The following SPRR2F variants were observed in gnomAD, a reference collection of about 807,000 sequenced individuals.
SPRR2F encodes small proline rich protein 2F.
Under a neutral mutation model 0.8 loss-of-function variants are expected in SPRR2F, and 2 were observed. That is an observed-to-expected ratio of 2.52 (90% CI 1.03 to 7.95). The LOEUF (loss-of-function observed/expected upper bound fraction) is 7.95, where lower values mean the gene tolerates loss of function less well. Among genes scored for constraint, SPRR2F ranks in the 30% most tolerant of loss-of-function variants. The pLI is 0.04. For missense variants in SPRR2F, 80 were observed against 85.8 expected, an observed-to-expected ratio of 0.93 and a Z score of 0.27; for synonymous variants, 39 against 33.4, an observed-to-expected ratio of 1.17 and a Z score of -0.58.
the SPRR2F span, among the ~76,000 whole-genome samples, chr1:153,119,305 A>G: frequency 6.6e-6 from 1 of 152,194 alleles, no homozygotes; most frequent in Admixed American, 6.6e-5. Flanking sequence ...GGTGGAATGG[A>G]TAAAAAAGAA....
chr1:153,118,848 A>G, the SPRR2F span, among the ~76,000 whole-genome samples: 4 of 152,182 alleles, frequency 2.6e-5, no homozygotes, highest in Non-Finnish European at 5.9e-5. Flanking sequence ...TTGTAACTCC[A>G]CTTTTTATTT....
At chr1:153,119,063 C>T in the SPRR2F span, among the ~76,000 whole-genome samples, 2 of 151,726 alleles carry the variant, frequency 1.3e-5, no homozygotes, top group African/African-American at 4.8e-5. Flanking sequence ...ATATATAATC[C>T]CCATTGTAAC....
chr1:153,112,780 C>T (rs1169935862), intron 1 of SPRR2F, 28 bp from the exon 2 acceptor site: 12 of 1,608,616 alleles, frequency 7.5e-6, no homozygotes, highest in South Asian at 2.2e-5. Flanking sequence ...ACAGTGTTCA[C>T]GGGAAGGGAA....
chr1:153,114,817 C>A (rs1460675517), upstream of SPRR2F, among the ~76,000 whole-genome samples: 1 of 152,158 alleles, frequency 6.6e-6, no homozygotes. Flanking sequence ...ACTCCTCTTT[C>A]ATATCTTTTG....
upstream of SPRR2F, among the ~76,000 whole-genome samples, chr1:153,114,856 A>G (rs1192561301): frequency 2.6e-5 from 4 of 152,354 alleles, no homozygotes; most frequent in East Asian, 5.8e-4. Flanking sequence ...AGTGAGGCTT[A>G]CTAAACATGG....
the SPRR2F span, among the ~76,000 whole-genome samples, chr1:153,119,223 C>T: frequency 4.6e-5 from 7 of 152,114 alleles, no homozygotes; most frequent in Non-Finnish European, 4.4e-5. Context: ...GGAAGACCTT[C>T]GTCATCAATG....
chr1:153,112,274 T>A lies in SPRR2F; in HGVS notation c.*241A>T. The A allele has an allele frequency of 1.6e-6, 1 of 623,766 alleles. No homozygotes were observed. 38.6% of individuals were successfully genotyped at this position (623,766 alleles called of 1,614,324 possible). A position where few individuals can be genotyped will look rare whatever the true frequency, so the allele number is the denominator to read the frequency against. On this transcript the variant is annotated 3_prime_UTR_variant, in exon 2 of 2. Transcript: ENST00000468739. ...AGAGCTGCTCTTTCTTCTGAAGCTCTGGGAGCTGGCACAGCCCAGGACTTC... is the reference window on the plus strand; with the variant it reads ...AGAGCTGCTCTTTCTTCTGAAGCTCAGGGAGCTGGCACAGCCCAGGACTTC...
chr1:153,112,755 G>T lies in SPRR2F; in HGVS notation c.-19-3C>A. On this transcript the variant is annotated splice_polypyrimidine_tract_variant and splice_region_variant and intron_variant, in intron 1 of 1. Coordinates refer to ENST00000468739, the MANE Select transcript of SPRR2F (RefSeq NM_001014450.3). Reference sequence around the variant, plus strand: ...ACATCCTGCTGGAGTCTCAGAATCTGAAAGAAATTATATGACAGTGTTCAC... The same window carrying T: ...ACATCCTGCTGGAGTCTCAGAATCTTAAAGAAATTATATGACAGTGTTCAC... The T allele has an allele frequency of 6.2e-7, 1 of 1,610,912 alleles. No homozygotes were observed. Among genetic ancestry groups the T allele is most frequent in the African/African-American group, 1.3e-5 (1 of 74,958 alleles).
chr1:153,112,671 T>A lies in SPRR2F; in HGVS notation c.63A>T (p.Pro21=), dbSNP rs780697644. 2 of 1,612,414 alleles carry A rather than the reference T, an allele frequency of 1.2e-6. No individual in the cohort carries two copies. The highest frequency in any genetic ancestry group is 2.2e-5 in the East Asian group (1 of 44,864). The change falls in exon 2 of 2, where the codon CCA becomes CCT. Residue 21 remains proline, a synonymous_variant. Transcript: ENST00000468739. Reference sequence around the variant, plus strand: ...GGGGTGGACATGGCTCTGGGCACTTTGGCGCGGGGCACACAGGAGGTGGCT... The same window carrying A: ...GGGGTGGACATGGCTCTGGGCACTTAGGCGCGGGGCACACAGGAGGTGGCT... ...PCQPPPVCPA[P]KCPEPCPPPK... is the part of the protein sequence containing the mutation.
upstream of SPRR2F, among the ~76,000 whole-genome samples, chr1:153,117,950 G>A (rs1047187160): frequency 2.0e-5 from 3 of 152,028 alleles, no homozygotes; most frequent in Admixed American, 2.0e-4. Context: ...ATAAGTTAAA[G>A]AGAAGTTAAA....
At chr1:153,116,235 G>A (rs530245918), upstream of SPRR2F, among the ~76,000 whole-genome samples, 4 of 152,178 alleles carry the variant, frequency 2.6e-5, no homozygotes, top group Non-Finnish European at 2.9e-5. Context: ...TAGGGAGGAT[G>A]TTTTAGAAGA....
the SPRR2F span, among the ~76,000 whole-genome samples, chr1:153,118,733 A>T: frequency 1.3e-5 from 2 of 152,178 alleles, no homozygotes; most frequent in Non-Finnish European, 2.9e-5. Flanking sequence ...TTTTGATTTG[A>T]AGTAAAAGGA....
chr1:153,117,688 G>T (rs1285112020), upstream of SPRR2F, among the ~76,000 whole-genome samples: 1 of 152,046 alleles, frequency 6.6e-6, no homozygotes, highest in Non-Finnish European at 1.5e-5. Flanking sequence ...AGAGCTATCA[G>T]AAATACAGAT....
chr1:153,113,808 T>G (rs571853850), upstream of SPRR2F, among the ~76,000 whole-genome samples: 4 of 151,988 alleles, frequency 2.6e-5, no homozygotes, highest in Non-Finnish European at 5.9e-5. Context: ...CTTTTTTGAC[T>G]GGGGGCAATG....
upstream of SPRR2F, among the ~76,000 whole-genome samples, chr1:153,118,012 C>T (rs1655750730): frequency 6.6e-6 from 1 of 152,012 alleles, no homozygotes; most frequent in African/African-American, 2.4e-5. Context: ...CAGAACTAAA[C>T]ATAATTTTAC....
At chr1:153,119,257 A>C in the SPRR2F span, among the ~76,000 whole-genome samples, 3 of 152,230 alleles carry the variant, frequency 2.0e-5, no homozygotes, top group Non-Finnish European at 4.4e-5. Context: ...GAATTCCTTG[A>C]ATGGAGAATT....
chr1:153,113,993 T>C (rs1012480910), upstream of SPRR2F, among the ~76,000 whole-genome samples: 1 of 55,444 alleles, frequency 1.8e-5, no homozygotes, highest in East Asian at 5.8e-4. Context: ...TGGTCCCAGA[T>C]TTTTTTTTTT....
At chr1:153,115,374 A>T (rs1374928058), upstream of SPRR2F, among the ~76,000 whole-genome samples, 1 of 152,166 alleles carries the variant, frequency 6.6e-6, no homozygotes, top group Non-Finnish European at 1.5e-5. Flanking sequence ...GCAAAATTGG[A>T]GAATTGGCTG....
upstream of SPRR2F, among the ~76,000 whole-genome samples, chr1:153,115,855 CT>C (rs1486557148): frequency 6.6e-6 from 1 of 152,140 alleles, no homozygotes; most frequent in African/African-American, 2.4e-5. Context: ...ATTTCTCCTA[CT>C]TTTACTCCAT....
Sources: allele counts gnomAD v4.1 joint callset (sites outside exome capture counted in the v4.1 genomes callset), GRCh38; gene constraint gnomAD v4.1.1; transcripts MANE v1.5; gene names NCBI Gene and HGNC (gene_info 2026-07-23, HGNC 2026-07-21).